Variants in TEP1 observed in about 807,000 individuals in gnomAD.
The protein encoded by TEP1 is telomerase protein component 1.
A neutral mutation model predicts 306.3 loss-of-function variants in TEP1; 241 were observed. The ratio of observed to expected loss-of-function variants is 0.79; its 90% CI spans 0.71 to 0.88. The LOEUF (loss-of-function observed/expected upper bound fraction) is 0.88, where lower values mean the gene tolerates loss of function less well. Among genes scored for constraint, TEP1 ranks in the 40% least tolerant of loss-of-function variants. The probability of loss-of-function intolerance (pLI) is 0.00; values close to 1 mark genes in which losing one functional copy is unlikely to be tolerated. For missense variants in TEP1, 3,051 were observed against 3,276.1 expected, an observed-to-expected ratio of 0.93 and a Z score of 1.68; for synonymous variants, 1,289 against 1,305.5, an observed-to-expected ratio of 0.99 and a Z score of 0.27.
intron 41 of TEP1, 92 bp downstream of exon 41, chr14:20,377,188 C>T (rs1885225776): frequency 5.4e-6 from 6 of 1,108,278 alleles, no homozygotes; most frequent in African/African-American, 1.6e-5. Flanking sequence ...GCACTCTAGC[C>T]TGGGCAACAA....
In TEP1 at chr14:20,373,138, C is replaced by T. The variant is rs768916812; in HGVS notation, c.6824G>A (p.Cys2275Tyr). ...GACGGCTGCAGAACTCCTTGGTATA[C>T]ATGTGTCATCTGGAGGAGAAAGGAC... Reference protein sequence around the residue: ...WQVPKEADDTCIPRSSAAVTA... With the variant: ...WQVPKEADDTYIPRSSAAVTA... The change falls in exon 48 of 55, where the codon TGT becomes TAT. Residue 2275 changes from cysteine (C) to tyrosine (Y), a missense_variant. Cys to Tyr is a radical substitution (Grantham distance 194). Transcript: ENST00000262715. 6.2e-7 allele frequency: 1 copy of T among 1,614,204 alleles called. No individual in the cohort carries two copies. The highest frequency in any genetic ancestry group is 8.5e-7 in the Non-Finnish European group (1 of 1,180,048).
Position 20,384,657 on chromosome 14 carries a change from C to T in TEP1, c.3164G>A (p.Arg1055His), listed in dbSNP as rs771118554. Reference sequence around the variant, plus strand: ...GTAGCTCTTCAGTTCTGAGATCCGACGTGCGGCCTCTTCAGACTCAGAAAC... The same window carrying T: ...GTAGCTCTTCAGTTCTGAGATCCGATGTGCGGCCTCTTCAGACTCAGAAAC... ...DFVSESEEAA[R>H]RISELKSYLS... is the part of the protein sequence containing the mutation. Residue 1055 changes from arginine (R) to histidine (H), a missense_variant, in exon 22 of 55, where the codon CGT becomes CAT. Physicochemically the swap from Arg to His is conservative, Grantham distance 29. Around this residue, in one of 3 missense-constraint regions of TEP1, gnomAD observed 1,507 missense variants for 1,550.5 expected, o/e 0.97. Transcript: ENST00000262715. 1.9e-6 allele frequency: 3 copies of T among 1,613,924 alleles called. No homozygotes were observed. Among genetic ancestry groups the T allele is most frequent in the South Asian group, 1.1e-5 (1 of 91,076 alleles).
At position 20,384,098 on chromosome 14, in the gene TEP1, C is replaced by T. The variant is rs1876877671; in HGVS notation, c.3474G>A (p.Leu1158=). 6.2e-7 allele frequency: 1 copy of T among 1,613,976 alleles called. No homozygotes were observed. Among genetic ancestry groups the T allele is most frequent in the Non-Finnish European group, 8.5e-7 (1 of 1,179,996 alleles). The part of the protein sequence containing the change: ...LLQDTVQRLM[L]PHGRLSLVTG... ...TCACCAGGCTCAGCCTTCCGTGGGG[C>T]AGCATCAGCCGTTGCACTGTGTCCT... The change falls in exon 24 of 55, where the codon CTG becomes CTA. Residue 1158 remains leucine, a synonymous_variant. Coordinates refer to ENST00000262715, the MANE Select transcript of TEP1 (RefSeq NM_007110.5).
At chr14:20,386,775 A>G (rs1325648967) in intron 18 of TEP1, 152 bp from the exon 19 acceptor site, 4 of 803,156 alleles carry the variant, frequency 5.0e-6, no homozygotes, top group Admixed American at 3.7e-5. Flanking sequence ...AGCACCTGCT[A>G]GTGGTCTCAA....
In TEP1 at chr14:20,395,459, T is replaced by A; in HGVS notation, c.1919A>T (p.His640Leu). Residue 640 changes from histidine to leucine, a missense_variant, in exon 12 of 55, where the codon CAC (histidine) becomes CTC (leucine). By Grantham distance (99) the His-to-Leu change is moderately conservative. This residue lies in a region of TEP1 where 1,507 missense variants were observed against 1,550.5 expected (regional missense o/e 0.97). Transcript: ENST00000262715. ...GACAGTGCATACATACCTGGCCTTG[T>A]GTACTCTCAGCTTCTCCCTCTTGAG... Reference protein sequence around the residue: ...EQLKREKLRVHKARQWKYDGE... With the variant: ...EQLKREKLRVLKARQWKYDGE... 2 of 1,594,152 alleles carry A rather than the reference T, an allele frequency of 1.3e-6. No individual in the cohort carries two copies. Among genetic ancestry groups the A allele is most frequent in the Non-Finnish European group, 1.7e-6 (2 of 1,164,540 alleles).
Position 20,403,901 on chromosome 14 carries a change from A to C in TEP1, c.1033-17T>G, listed in dbSNP as rs746209428. 8.1e-6 allele frequency: 13 copies of C among 1,613,850 alleles called. No individual in the cohort carries two copies. The East Asian group carries it at 2.9e-4, about 36-fold the overall frequency. ...AGCCAGGCTCTGTCAAAGAGAGAGGAGAGACCACTAGAAGCAAGACCCAAA... is the reference window on the plus strand; with the variant it reads ...AGCCAGGCTCTGTCAAAGAGAGAGGCGAGACCACTAGAAGCAAGACCCAAA... On this transcript the variant is annotated splice_polypyrimidine_tract_variant and intron_variant, in intron 5 of 54. Transcript: ENST00000262715.
rs756311486 is a variant in TEP1, at chr14:20,378,253, A to C, written c.5509-17T>G. ...CCCCAGGTCCTACACAGGGAGGTAG[A>C]AATGGAAACGTGAAGACCTGCTCTC... On this transcript the variant is annotated splice_polypyrimidine_tract_variant and intron_variant, in intron 38 of 54. Coordinates refer to ENST00000262715, the MANE Select transcript of TEP1 (RefSeq NM_007110.5). 4.3e-6 allele frequency: 7 copies of C among 1,613,470 alleles called. No homozygotes were observed. Among genetic ancestry groups the C allele is most frequent in the African/African-American group, 1.3e-5 (1 of 74,928 alleles).
At chr14:20,373,902 G>A (rs1885017964) in intron 44 of TEP1, 92 bp from the exon 45 acceptor site, 3 of 1,508,344 alleles carry the variant, frequency 2.0e-6, no homozygotes, top group African/African-American at 1.4e-5. Context: ...AGCATTAGGA[G>A]CATGGAAGAT....
chr14:20,380,573 C>CA, intron 33 of TEP1, 98 bp from the exon 34 acceptor site: 1 of 1,413,694 alleles, frequency 7.1e-7, no homozygotes, highest in East Asian at 2.3e-5. Context: ...TAGTAAGTCT[C>CA]AAAGTGTGGC....
intron 4 of TEP1, among the ~76,000 whole-genome samples, 192 bp downstream of exon 4, chr14:20,405,259 C>G (rs1165613055): frequency 6.6e-6 from 1 of 152,036 alleles, no homozygotes; most frequent in Admixed American, 6.6e-5. Flanking sequence ...CTAAACAAAC[C>G]AAGTCTAGTA....
At chr14:20,378,640 G>T in intron 37 of TEP1, 105 bp from the exon 38 acceptor site, 1 of 1,584,318 alleles carries the variant, frequency 6.3e-7, no homozygotes. Context: ...CCCTCAGCAG[G>T]GAAGGCCTTC....
At chr14:20,370,310 C>T (rs548111919) in intron 51 of TEP1, among the ~76,000 whole-genome samples, 1 of 152,364 alleles carries the variant, frequency 6.6e-6, no homozygotes, top group East Asian at 1.9e-4. Context: ...GCATTTCCAT[C>T]ACCTCAGAAA....
At chr14:20,386,408 C>T (rs770949541) in intron 19 of TEP1, 39 bp downstream of exon 19, 10 of 1,578,888 alleles carry the variant, frequency 6.3e-6, no homozygotes, top group Non-Finnish European at 2.6e-6. Context: ...TCAAGCCCCT[C>T]ATCCCCGACC....
At chr14:20,398,335 G>A (rs1348684101) in intron 9 of TEP1, among the ~76,000 whole-genome samples, 3 of 146,162 alleles carry the variant, frequency 2.1e-5, no homozygotes, top group Non-Finnish European at 3.0e-5. Context: ...CCGAGGTCGC[G>A]CCATTGCACT....
rs201343901 is a variant in TEP1 at position 20,384,210 on chromosome 14, G to C, written c.3362C>G (p.Pro1121Arg). The change falls in exon 24 of 55, where the codon CCA (proline) becomes CGA (arginine). Residue 1121 changes from proline to arginine, a missense_variant. This residue lies in a region of TEP1 where 1,507 missense variants were observed against 1,550.5 expected (regional missense o/e 0.97). Transcript: ENST00000262715. ...CAAGTCATCGTCTGGGATGGACACT[G>C]GCTGCTCCAGCAGGGCCCCAGGCTG... ...YLQPGALLEQ[P>R]VSIPDDDLVQ... 1 of 1,613,946 alleles carries C rather than the reference G, an allele frequency of 6.2e-7. No individual in the cohort carries two copies. The highest frequency in any genetic ancestry group is 1.3e-5 in the African/African-American group (1 of 74,912).
Position 20,377,878 on chromosome 14 carries a change from GCACA to G in TEP1, c.5722-129_5722-126del, listed in dbSNP as rs1885286166. 65 of 1,448,900 alleles carry G rather than the reference GCACA, an allele frequency of 4.5e-5. 1 individual carries two copies. The South Asian group carries it at 7.7e-4, about 17-fold the overall frequency. 89.8% of individuals were successfully genotyped at this position (1,448,900 alleles called of 1,614,324 possible). A position where few individuals can be genotyped will look rare whatever the true frequency, so the allele number is the denominator to read the frequency against. On this transcript the variant is annotated intron_variant, in intron 39 of 54. Transcript: ENST00000262715. ...GACTCTTCTCATGAGAGCTGCCCCT[GCACA>G]CAGCGGCACCCCTCTCCCCGTGGTT...
chr14:20,386,895 A>G (rs1303246050), intron 18 of TEP1, among the ~76,000 whole-genome samples: 2 of 152,068 alleles, frequency 1.3e-5, no homozygotes, highest in Non-Finnish European at 2.9e-5. Context: ...ACTGTGAGGT[A>G]AGCACTATCA....
chr14:20,373,826 A>G lies in TEP1; in HGVS notation c.6472-16T>C, dbSNP rs1464624268. The G allele has an allele frequency of 6.2e-7, 1 of 1,611,636 alleles. No individual in the cohort carries two copies. Among genetic ancestry groups the G allele is most frequent in the Non-Finnish European group, 8.5e-7 (1 of 1,179,420 alleles). On this transcript the variant is annotated splice_polypyrimidine_tract_variant and intron_variant, in intron 44 of 54. Coordinates refer to ENST00000262715, the MANE Select transcript of TEP1 (RefSeq NM_007110.5). ...CGTGCTCCTCCTGCCCACAGAGCAC[A>G]AGATCAGAGCAGAGTCATATTGAGC...
At chr14:20,411,262 C>T (rs79819533) in intron 1 of TEP1, among the ~76,000 whole-genome samples, 20,439 of 152,184 alleles carry the variant, frequency 0.13, 1,479 homozygotes, top group East Asian at 0.21. Context: ...CCGATCTAAC[C>T]CTCAGCACTC....
Sources: gnomAD v4.1 joint callset for allele counts (sites outside exome capture counted in the v4.1 genomes callset) on GRCh38, gnomAD v4.1.1 for gene constraint, gnomAD v4.1.1 regional missense constraint, MANE v1.5 for transcripts, NCBI Gene and HGNC (gene_info 2026-07-23, HGNC 2026-07-21) for gene names.